The following DCC variants were observed in gnomAD, a reference collection of about 807,000 sequenced individuals.
The protein encoded by DCC is netrin receptor DCC.
A neutral mutation model predicts 172.5 loss-of-function variants in DCC; 58 were observed. That is an observed-to-expected ratio of 0.34 (90% CI 0.27 to 0.42). The LOEUF is 0.42. Ranked by LOEUF, DCC falls within the 10% of genes least tolerant of loss-of-function variation. The pLI is 1.00. For missense variants in DCC, 1,740 were observed against 1,791.0 expected (o/e 0.97, Z 0.51); for synonymous variants, 709 against 644.5 (o/e 1.10, Z -1.52).
rs35721153 is a variant in DCC at position 52,520,728 on chromosome 18, A to ATT, written c.91+179859_91+179860dup. Among the ~76,000 whole-genome samples the ATT allele has an allele frequency of 1.3e-3, 194 of 150,322 alleles. No individual in the cohort carries two copies. The South Asian group carries it at 0.016, about 12-fold the overall frequency. On this transcript the variant is annotated intron_variant, in intron 1 of 28. Coordinates refer to ENST00000442544, the MANE Select transcript of DCC (RefSeq NM_005215.4). ...GTTTTTTTTAAGAATTTAGGCAATGATTTTTTTTTTAATTTAGAATTTCCT... is the reference window on the plus strand; with the variant it reads ...GTTTTTTTTAAGAATTTAGGCAATGATTTTTTTTTTTTAATTTAGAATTTCCT...
intron 27 of DCC, among the ~76,000 whole-genome samples, chr18:53,524,802 G>T (rs1217068677): frequency 1.3e-5 from 2 of 151,986 alleles, no homozygotes; most frequent in African/African-American, 4.8e-5. Flanking sequence ...TTGCTCCATG[G>T]AGTTAGACAG....
At chr18:52,993,325 C>T (rs1458234863) in intron 5 of DCC, among the ~76,000 whole-genome samples, 1 of 152,070 alleles carries the variant, frequency 6.6e-6, no homozygotes, top group Non-Finnish European at 1.5e-5. Flanking sequence ...CTTACTAGAA[C>T]ATTTGGCAAA....
intron 7 of DCC, among the ~76,000 whole-genome samples, chr18:53,078,904 C>G (rs1391656925): frequency 6.6e-6 from 1 of 152,142 alleles, no homozygotes; most frequent in Non-Finnish European, 1.5e-5. Context: ...AAAAGTCCAA[C>G]AGAAAAGCCA....
rs946838139 is a variant in DCC, at chr18:53,161,251, T to A, written c.1418+3739T>A. On this transcript the variant is annotated intron_variant, in intron 8 of 28. Coordinates refer to ENST00000442544, the MANE Select transcript of DCC (RefSeq NM_005215.4). The stretch of plus-strand genomic sequence containing the variant: ...CTCTTATCAAGGTTCACCAATAACC[T>A]CCTGTTGCTAACCCAGTAGTCAATT... 2.0e-5 allele frequency among the ~76,000 whole-genome samples: 3 copies of A among 152,218 alleles called. No individual in the cohort carries two copies. In the East Asian group the frequency reaches 5.8e-4, roughly 29 times the overall value.
intron 1 of DCC, among the ~76,000 whole-genome samples, chr18:52,504,788 G>T (rs1031918932): frequency 6.6e-6 from 1 of 151,456 alleles, no homozygotes; most frequent in Non-Finnish European, 1.5e-5. Flanking sequence ...GGCCACCTCA[G>T]TGTAAAAGCC....
intron 1 of DCC, among the ~76,000 whole-genome samples, chr18:52,386,179 G>T (rs984771851): frequency 2.0e-5 from 3 of 151,976 alleles, no homozygotes; most frequent in African/African-American, 4.8e-5. Context: ...TTTCCAGGGG[G>T]CAAAACAGCA....
At chr18:53,530,474 C>G (rs760723297) in intron 28 of DCC, 90 bp from the exon 29 acceptor site, 2 of 803,380 alleles carry the variant, frequency 2.5e-6, no homozygotes, top group African/African-American at 1.7e-5. Flanking sequence ...CTTGGGAATA[C>G]GTAGCACCCC....
chr18:53,416,106 T>C lies in DCC; in HGVS notation c.3131-18T>C. ...GAACTGTCAAAGTCTAATAATGTTA[T>C]TTCTTTTTCCCCCGCAGTGGAACAC... On this transcript the variant is annotated intron_variant, in intron 20 of 28. Transcript: ENST00000442544. 1 of 1,597,148 alleles carries C rather than the reference T, an allele frequency of 6.3e-7. No individual in the cohort carries two copies. Among genetic ancestry groups the C allele is most frequent in the Non-Finnish European group, 8.6e-7 (1 of 1,164,692 alleles).
intron 3 of DCC, among the ~76,000 whole-genome samples, chr18:52,911,022 T>A (rs895896414): frequency 1.3e-5 from 2 of 152,132 alleles, no homozygotes; most frequent in African/African-American, 4.8e-5. Context: ...TAAGAACTTA[T>A]TACTCAATGG....
rs536001270 is a variant in DCC, at chr18:52,904,448, T to C, written c.413-1596T>C. Among the ~76,000 whole-genome samples the C allele has an allele frequency of 3.3e-5, 5 of 152,376 alleles. No individual in the cohort carries two copies. The South Asian group carries it at 6.2e-4, about 19-fold the overall frequency. ...AGGGAAAGTGAAATAGCATCGCTTA[T>C]TGTCTCTCATATTAAATTATGATTT... is the stretch of plus-strand genomic sequence containing the variant. On this transcript the variant is annotated intron_variant, in intron 2 of 28. Transcript: ENST00000442544.
chr18:53,438,715 G>C (rs1224181530), intron 22 of DCC, among the ~76,000 whole-genome samples: 2 of 152,194 alleles, frequency 1.3e-5, no homozygotes, highest in African/African-American at 4.8e-5. Flanking sequence ...TTTGACATGA[G>C]CATATAAGTC....
At chr18:53,387,546 A>G (rs1447027676) in intron 16 of DCC, among the ~76,000 whole-genome samples, 2 of 152,264 alleles carry the variant, frequency 1.3e-5, no homozygotes, top group Non-Finnish European at 2.9e-5. Flanking sequence ...ATTTACTATC[A>G]AACGTGTTAT....
chr18:53,324,757 T>C (rs534904802), intron 14 of DCC, among the ~76,000 whole-genome samples: 1 of 152,276 alleles, frequency 6.6e-6, no homozygotes, highest in African/African-American at 2.4e-5. Flanking sequence ...ATATAAATAG[T>C]TATTTTTTTC....
intron 12 of DCC, among the ~76,000 whole-genome samples, chr18:53,223,875 GTAA>G (rs1200583059): frequency 6.6e-6 from 1 of 152,132 alleles, no homozygotes. Flanking sequence ...AATTATAACT[GTAA>G]TAATGGCAGT....
intron 7 of DCC, among the ~76,000 whole-genome samples, chr18:53,151,017 A>G (rs1239896140): frequency 6.6e-6 from 1 of 152,192 alleles, no homozygotes; most frequent in Non-Finnish European, 1.5e-5. Flanking sequence ...CAAGCTGAGT[A>G]GGGGGTATGA....
intron 2 of DCC, among the ~76,000 whole-genome samples, chr18:52,893,471 A>G (rs895603988): frequency 6.6e-6 from 1 of 152,200 alleles, no homozygotes; most frequent in African/African-American, 2.4e-5. Context: ...ATGCTCAATT[A>G]AAAGTTTGAA....
chr18:52,856,948 T>A (rs1458339826), intron 2 of DCC, among the ~76,000 whole-genome samples: 1 of 152,184 alleles, frequency 6.6e-6, no homozygotes, highest in African/African-American at 2.4e-5. Flanking sequence ...TTGACAATTC[T>A]TTTTCTCTAG....
chr18:52,446,940 A>T (rs1988145165), intron 1 of DCC, among the ~76,000 whole-genome samples: 1 of 152,232 alleles, frequency 6.6e-6, no homozygotes, highest in South Asian at 2.1e-4. Flanking sequence ...TTTTTATGTT[A>T]CATTCTCAGG....
chr18:53,162,930 C>T (rs953274731), intron 8 of DCC, among the ~76,000 whole-genome samples: 3 of 152,184 alleles, frequency 2.0e-5, no homozygotes, highest in Admixed American at 2.0e-4. Flanking sequence ...GTGCTTAGCA[C>T]ATTATAGATA....
Sources: allele counts gnomAD v4.1 joint callset (sites outside exome capture counted in the v4.1 genomes callset), GRCh38; gene constraint gnomAD v4.1.1; transcripts MANE v1.5; gene names NCBI Gene and HGNC (gene_info 2026-07-23, HGNC 2026-07-21).